The following NAA15 variants were observed in gnomAD, a reference collection of about 807,000 sequenced individuals.
NAA15 encodes N-terminal acetyltransferase.
Under a neutral mutation model 114.0 loss-of-function variants are expected in NAA15, and 34 were observed. The ratio of observed to expected loss-of-function variants is 0.30; its 90% CI spans 0.23 to 0.40. The LOEUF (loss-of-function observed/expected upper bound fraction) is 0.40, where lower values mean the gene tolerates loss of function less well. Among genes scored for constraint, NAA15 ranks in the 10% least tolerant of loss-of-function variants. The probability of loss-of-function intolerance (pLI) is 1.00; values close to 1 mark genes in which losing one functional copy is unlikely to be tolerated. For missense variants in NAA15, 658 were observed against 1,004.5 expected (o/e 0.66, Z 4.66); for synonymous variants, 340 against 338.0 (o/e 1.01, Z -0.06).
At chr4:139,312,529 T>C (rs1192473250) in intron 1 of NAA15, among the ~76,000 whole-genome samples, 1 of 151,946 alleles carries the variant, frequency 6.6e-6, no homozygotes, top group Non-Finnish European at 1.5e-5. Context: ...AAATAATCCC[T>C]TACACTTTTA....
rs1748102713 is a variant in NAA15, at chr4:139,360,601, A to G, written c.1512A>G (p.Ala504=). ...AYKAMNKFGE[A]LKKCHEIERH... is the part of the protein sequence containing the mutation. ...AAGCAATGAATAAATTTGGTGAAGC[A>G]CTTAAGAAATGTCATGAGATTGAGA... Residue 504 remains alanine (A), a synonymous_variant, in exon 13 of 20, where the codon GCA becomes GCG. Transcript: ENST00000296543. The G allele has an allele frequency of 1.9e-6, 3 of 1,608,676 alleles. No individual in the cohort carries two copies. Among genetic ancestry groups the G allele is most frequent in the Non-Finnish European group, 2.5e-6 (3 of 1,177,460 alleles).
intron 1 of NAA15, among the ~76,000 whole-genome samples, chr4:139,333,417 G>T (rs565950964): frequency 6.6e-6 from 1 of 151,896 alleles, no homozygotes; most frequent in South Asian, 2.1e-4. Flanking sequence ...TCCCCTCTCT[G>T]GAAGTTTTTA....
rs1234194743 is a variant in NAA15 at position 139,315,012 on chromosome 4, TTAGG to T, written c.54+13183_54+13186del. Among the ~76,000 whole-genome samples the T allele has an allele frequency of 1.7e-4, 18 of 106,108 alleles. 1 individual carries two copies. Among genetic ancestry groups the T allele is most frequent in the Non-Finnish European group, 3.0e-4 (16 of 52,560 alleles). 69.6% of individuals were successfully genotyped at this position (106,108 alleles called of 152,430 possible). A position where few individuals can be genotyped will look rare whatever the true frequency, so the allele number is the denominator to read the frequency against. ...TCAGTTCAGTTCAGTTTAGTTTAGG[TTAGG>T]TTAGGTTAGGTTAGGTTAGGTTAGG... is the stretch of plus-strand genomic sequence containing the variant. On this transcript the variant is annotated intron_variant, in intron 1 of 19. Coordinates refer to ENST00000296543, the MANE Select transcript of NAA15 (RefSeq NM_057175.5).
chr4:139,386,899 G>A (rs1028430407), intron 19 of NAA15, among the ~76,000 whole-genome samples: 10 of 152,196 alleles, frequency 6.6e-5, no homozygotes, highest in Admixed American at 5.9e-4. Context: ...ATGAGATTAA[G>A]TTAAATAAAA....
intron 12 of NAA15, 24 bp from the exon 13 acceptor site, chr4:139,360,476 T>C (rs1748099292): frequency 6.7e-7 from 1 of 1,499,774 alleles, no homozygotes. Flanking sequence ...AAAGTGATCT[T>C]GAAAATATTT....
In NAA15 at chr4:139,357,557, TAAA is replaced by T; in HGVS notation, c.1257+5_1257+7del. On this transcript the variant is annotated splice_donor_5th_base_variant and intron_variant, in intron 11 of 19. Coordinates refer to ENST00000296543, the MANE Select transcript of NAA15 (RefSeq NM_057175.5). The stretch of plus-strand genomic sequence containing the variant: ...CTCGTGAAAGCTAAAATCTATAAGG[TAAA>T]AATCTTTTTTTCTATTTTCTTATAA... The T allele has an allele frequency of 6.3e-7, 1 of 1,575,596 alleles. No homozygotes were observed.
chr4:139,354,165 C>A, intron 10 of NAA15, 67 bp downstream of exon 10: 1 of 1,301,548 alleles, frequency 7.7e-7, no homozygotes, highest in Non-Finnish European at 1.1e-6. Context: ...AATTCTTAAT[C>A]AGAAGGTCAG....
chr4:139,327,534 G>A (rs1012345880), intron 1 of NAA15, among the ~76,000 whole-genome samples: 6 of 152,214 alleles, frequency 3.9e-5, no homozygotes, highest in African/African-American at 1.2e-4. Context: ...AATTACAGGC[G>A]TGAGCCACTG....
chr4:139,333,059 A>G (rs906209511), intron 1 of NAA15, among the ~76,000 whole-genome samples: 2 of 152,198 alleles, frequency 1.3e-5, no homozygotes, highest in Non-Finnish European at 2.9e-5. Flanking sequence ...GTTATTTATA[A>G]TACCTAATAC....
chr4:139,355,438 T>C (rs1747919315), intron 10 of NAA15, among the ~76,000 whole-genome samples: 2 of 152,174 alleles, frequency 1.3e-5, no homozygotes. Context: ...GTCTAGAGTT[T>C]GCTGACTGTA....
At chr4:139,309,467 G>T (rs1042484732) in intron 1 of NAA15, among the ~76,000 whole-genome samples, 1 of 140,100 alleles carries the variant, frequency 7.1e-6, no homozygotes, top group Non-Finnish European at 1.6e-5. Context: ...GTGTGTGTGT[G>T]TGTCCAGGAT....
chr4:139,359,174 G>T (rs1748057655), intron 11 of NAA15, among the ~76,000 whole-genome samples: 1 of 151,922 alleles, frequency 6.6e-6, no homozygotes, highest in African/African-American at 2.4e-5. Context: ...TGTCACCCAG[G>T]CTAGAGTGCA....
At chr4:139,356,416 C>T (rs982401308) in intron 10 of NAA15, 1 of 152,120 alleles carries the variant, frequency 6.6e-6, no homozygotes, top group African/African-American at 2.4e-5. Flanking sequence ...GTTTCTAGGT[C>T]TCAGATTAAT....
At chr4:139,322,951 C>G (rs13107618) in intron 1 of NAA15, among the ~76,000 whole-genome samples, 1 of 151,832 alleles carries the variant, frequency 6.6e-6, no homozygotes, top group South Asian at 2.1e-4. Context: ...TTGTCCTCCC[C>G]AATAGCTGGG....
chr4:139,345,843 C>T (rs1006455774), intron 6 of NAA15, among the ~76,000 whole-genome samples: 1 of 152,032 alleles, frequency 6.6e-6, no homozygotes, highest in East Asian at 1.9e-4. Context: ...ACGGCGTGAA[C>T]CTGGGAGGCG....
chr4:139,387,759 G>T, intron 19 of NAA15, 125 bp from the exon 20 acceptor site: 1 of 731,624 alleles, frequency 1.4e-6, no homozygotes. Flanking sequence ...ATATGCAGGA[G>T]TAAATAGCTA....
rs770097568 is a variant in NAA15 at position 139,359,815 on chromosome 4, A to G, written c.1330A>G (p.Ile444Val). ...AQALDTADRF[I>V]NSKCAKYMLK... ...GGCCTTGGACACAGCAGACAGATTT[A>G]TCAACTCCAAATGTGCAAAATACAT... Residue 444 changes from isoleucine to valine, a missense_variant, in exon 12 of 20, where the codon ATC becomes GTC. Coordinates refer to ENST00000296543, the MANE Select transcript of NAA15 (RefSeq NM_057175.5). 2 of 1,608,220 alleles carry G rather than the reference A, an allele frequency of 1.2e-6. No individual in the cohort carries two copies. The highest frequency in any genetic ancestry group is 2.2e-5 in the East Asian group (1 of 44,770).
At chr4:139,360,061 A>G (rs1475939209) in intron 12 of NAA15, among the ~76,000 whole-genome samples, 166 bp downstream of exon 12, 1 of 152,210 alleles carries the variant, frequency 6.6e-6, no homozygotes, top group Non-Finnish European at 1.5e-5. Context: ...CAACATTGAT[A>G]TAAAGGATTT....
chr4:139,323,251 T>G (rs1746684970), intron 1 of NAA15, among the ~76,000 whole-genome samples: 1 of 152,056 alleles, frequency 6.6e-6, no homozygotes, highest in South Asian at 2.1e-4. Flanking sequence ...GAGATGTGGT[T>G]TCACTATGTT....
Sources: allele counts gnomAD v4.1 joint callset (sites outside exome capture counted in the v4.1 genomes callset), GRCh38; gene constraint gnomAD v4.1.1; transcripts MANE v1.5; gene names NCBI Gene and HGNC (gene_info 2026-07-23, HGNC 2026-07-21).